The following HRH1 variants were observed in gnomAD, a reference collection of about 807,000 sequenced individuals.
The protein encoded by HRH1 is histamine receptor H1.
In HRH1, 6 loss-of-function variants were observed where a neutral mutation model predicts 10.3. The ratio of observed to expected loss-of-function variants is 0.58; its 90% CI spans 0.32 to 1.15. The LOEUF (loss-of-function observed/expected upper bound fraction) is 1.15, where lower values mean the gene tolerates loss of function less well. Among genes scored for constraint, HRH1 ranks in the 50% most tolerant of loss-of-function variants. HRH1 has a pLI of 0.05. For missense variants in HRH1, 514 were observed against 615.3 expected (o/e 0.84, Z 1.74); for synonymous variants, 242 against 236.7 (o/e 1.02, Z -0.21).
intron 1 of HRH1, among the ~76,000 whole-genome samples, chr3:11,157,317 T>C (rs922412203): frequency 6.6e-6 from 1 of 152,146 alleles, no homozygotes; most frequent in East Asian, 1.9e-4. Flanking sequence ...TGGTATAAAT[T>C]GCAAAGAATT....
chr3:11,210,964 CAG>C (rs966142243), intron 1 of HRH1, among the ~76,000 whole-genome samples: 4 of 152,148 alleles, frequency 2.6e-5, no homozygotes, highest in African/African-American at 9.7e-5. Flanking sequence ...CAGCAACTAT[CAG>C]TTGAGTGCCT....
upstream of HRH1, among the ~76,000 whole-genome samples, chr3:11,151,469 C>G (rs1361135830): frequency 6.6e-6 from 1 of 151,168 alleles, no homozygotes. Flanking sequence ...TACCTGCAAT[C>G]AAAAGAAACA....
At chr3:11,195,025 C>G (rs760857815) in intron 1 of HRH1, among the ~76,000 whole-genome samples, 1 of 152,178 alleles carries the variant, frequency 6.6e-6, no homozygotes, top group African/African-American at 2.4e-5. Context: ...CTTTGGGGTG[C>G]TCTAGATTCC....
At chr3:11,190,821 C>T (rs1241547379) in intron 1 of HRH1, among the ~76,000 whole-genome samples, 2 of 152,156 alleles carry the variant, frequency 1.3e-5, no homozygotes, top group South Asian at 2.1e-4. Context: ...AGCAGCCAGT[C>T]GCTCTGAAAT....
chr3:11,220,315 AG>A (rs1450012165), intron 1 of HRH1, among the ~76,000 whole-genome samples: 1 of 152,162 alleles, frequency 6.6e-6, no homozygotes, highest in African/African-American at 2.4e-5. Flanking sequence ...CTTGCTGTAT[AG>A]TCTTGGTAAA....
rs139858848 is a variant in HRH1 at position 11,164,082 on chromosome 3, T to C, written c.-36+9528T>C. Among the ~76,000 whole-genome samples, 562 of 152,220 alleles carry C rather than the reference T, an allele frequency of 3.7e-3. 8 individuals are homozygous for C. Among genetic ancestry groups the C allele is most frequent in the African/African-American group, 0.013 (545 of 41,498 alleles). ...TTGAATGAATGAATGAATGAATGAA[T>C]GAGTGAGCAGGACTTTGAAACATAA... On this transcript the variant is annotated intron_variant, in intron 1 of 1. Transcript: ENST00000431010.
At chr3:11,202,862 C>G (rs1937981999) in intron 1 of HRH1, among the ~76,000 whole-genome samples, 1 of 152,156 alleles carries the variant, frequency 6.6e-6, no homozygotes, top group Non-Finnish European at 1.5e-5. Flanking sequence ...CATTCTAATA[C>G]CGTGCATTTT....
chr3:11,256,776 C>T (rs1317945478), intron 1 of HRH1, among the ~76,000 whole-genome samples: 5 of 151,790 alleles, frequency 3.3e-5, no homozygotes, highest in African/African-American at 7.3e-5. Flanking sequence ...TCCAGTCTGG[C>T]GACAGAGCGA....
At chr3:11,154,150 G>A (rs1574977152), upstream of HRH1, among the ~76,000 whole-genome samples, 1 of 152,260 alleles carries the variant, frequency 6.6e-6, no homozygotes, top group East Asian at 1.9e-4. This position sits in a 1 kb window ranked among gnomAD's most constrained non-coding sequence, Gnocchi z 4.4. Context: ...CGTGGGTGGG[G>A]GTGGAGTTGT....
chr3:11,189,337 C>T (rs1047463561), intron 1 of HRH1, among the ~76,000 whole-genome samples: 5 of 152,234 alleles, frequency 3.3e-5, no homozygotes, highest in Non-Finnish European at 1.5e-5. Flanking sequence ...CAATCCTTCT[C>T]TGACTCAGTT....
intron 1 of HRH1, among the ~76,000 whole-genome samples, chr3:11,255,305 C>G (rs927643302): frequency 6.6e-6 from 1 of 152,002 alleles, no homozygotes; most frequent in Non-Finnish European, 1.5e-5. Flanking sequence ...GTTTCTCTCC[C>G]CTCTATGTGC....
At chr3:11,233,239 T>C (rs1939090234) in intron 1 of HRH1, among the ~76,000 whole-genome samples, 1 of 152,142 alleles carries the variant, frequency 6.6e-6, no homozygotes, top group African/African-American at 2.4e-5. Context: ...TATATGAATG[T>C]TAGATCTTTT....
At chr3:11,247,319 C>A (rs1212633986) in intron 1 of HRH1, among the ~76,000 whole-genome samples, 6 of 152,202 alleles carry the variant, frequency 3.9e-5, no homozygotes, top group African/African-American at 1.4e-4. Flanking sequence ...AATTCCTCAG[C>A]AAGGCAAATT....
At chr3:11,255,654 T>C (rs1029475324) in intron 1 of HRH1, among the ~76,000 whole-genome samples, 1 of 152,156 alleles carries the variant, frequency 6.6e-6, no homozygotes, top group Admixed American at 6.5e-5. Flanking sequence ...TCAATCAATA[T>C]ATGCAAGATG....
chr3:11,197,495 A>C (rs191575663), intron 1 of HRH1, among the ~76,000 whole-genome samples: 1 of 152,302 alleles, frequency 6.6e-6, no homozygotes, highest in African/African-American at 2.4e-5. Context: ...TCTATAAATT[A>C]CTTTGTTTTG....
At chr3:11,249,001 G>C (rs1939562994) in intron 1 of HRH1, among the ~76,000 whole-genome samples, 1 of 152,142 alleles carries the variant, frequency 6.6e-6, no homozygotes, top group African/African-American at 2.4e-5. Context: ...TTTGGATCTT[G>C]ATATCCTGTT....
chr3:11,180,948 TACAC>T (rs71055851), intron 1 of HRH1, among the ~76,000 whole-genome samples: 4,507 of 121,030 alleles, frequency 0.037, 99 homozygotes, highest in South Asian at 0.094. Flanking sequence ...CTCTCAGGCA[TACAC>T]ACACACACAC....
intron 1 of HRH1, among the ~76,000 whole-genome samples, chr3:11,163,145 C>T (rs1192042851): frequency 2.6e-5 from 4 of 152,164 alleles, no homozygotes; most frequent in Middle Eastern, 3.4e-3. Flanking sequence ...CCTGCTGCAC[C>T]GCGTGTTTCC....
At chr3:11,157,231 C>T (rs1176411331) in intron 1 of HRH1, among the ~76,000 whole-genome samples, 2 of 152,034 alleles carry the variant, frequency 1.3e-5, no homozygotes, top group African/African-American at 2.4e-5. Flanking sequence ...AATGGCCATT[C>T]GTTCGATTTG....
Sources: allele counts gnomAD v4.1 joint callset (sites outside exome capture counted in the v4.1 genomes callset), GRCh38; gene constraint gnomAD v4.1.1; non-coding constraint Gnocchi (gnomAD v3.1); transcripts MANE v1.5; gene names NCBI Gene and HGNC (gene_info 2026-07-23, HGNC 2026-07-21).